DNAJC24: variants seen among roughly 807,000 people sequenced by gnomAD.
The protein encoded by DNAJC24 is dnaJ homolog subfamily C member 24.
Under a neutral mutation model 18.0 loss-of-function variants are expected in DNAJC24, and 17 were observed. The ratio of observed to expected loss-of-function variants is 0.94; its 90% CI spans 0.65 to 1.42. The LOEUF (loss-of-function observed/expected upper bound fraction) is 1.42. Among genes scored for constraint, DNAJC24 ranks in the 40% most tolerant of loss-of-function variants. The pLI, the probability that DNAJC24 is intolerant of heterozygous loss-of-function variation, is 0.00. For synonymous variants in DNAJC24, 55 were observed against 57.7 expected (o/e 0.95, Z 0.21); for missense variants, 158 against 175.6 (o/e 0.90, Z 0.57).
intron 2 of DNAJC24, among the ~76,000 whole-genome samples, chr11:31,397,390 A>G (rs1952551789): frequency 6.6e-6 from 1 of 152,190 alleles, no homozygotes; most frequent in African/African-American, 2.4e-5. Flanking sequence ...TGCATAAAAG[A>G]TCAATGAATC....
chr11:31,407,787 A>G (rs1952670662), intron 2 of DNAJC24, among the ~76,000 whole-genome samples: 1 of 149,122 alleles, frequency 6.7e-6, no homozygotes, highest in South Asian at 2.1e-4. Context: ...GTATGATGCT[A>G]TTTTCATAAT....
chr11:31,427,608 C>T (rs1165146074), intron 4 of DNAJC24: 1 of 151,852 alleles, frequency 6.6e-6, no homozygotes, highest in Non-Finnish European at 1.5e-5. Context: ...AATACACAAA[C>T]TTCAAGGAGA....
chr11:31,392,868 C>CA (rs1458850554), intron 2 of DNAJC24, among the ~76,000 whole-genome samples: 1 of 152,050 alleles, frequency 6.6e-6, no homozygotes, highest in Non-Finnish European at 1.5e-5. Flanking sequence ...AGCCTGGTCT[C>CA]AAACTTCTGA....
At chr11:31,399,909 C>A (rs928101621) in intron 2 of DNAJC24, among the ~76,000 whole-genome samples, 1 of 152,026 alleles carries the variant, frequency 6.6e-6, no homozygotes, top group Admixed American at 6.6e-5. Flanking sequence ...TCTCCCTCCC[C>A]CTGTCCTCCA....
At chr11:31,427,929 C>G (rs1591924646) in intron 4 of DNAJC24, 1 of 125,646 alleles carries the variant, frequency 8.0e-6, no homozygotes, top group Non-Finnish European at 1.7e-5. Flanking sequence ...GCCTGGGCAA[C>G]ATAGGAAGAC....
intron 2 of DNAJC24, among the ~76,000 whole-genome samples, chr11:31,414,020 G>C (rs1952733262): frequency 6.6e-6 from 1 of 152,140 alleles, no homozygotes; most frequent in African/African-American, 2.4e-5. Context: ...GATCCTTACT[G>C]GATAACTATT....
intron 2 of DNAJC24, among the ~76,000 whole-genome samples, chr11:31,394,844 A>G (rs949037377): frequency 6.6e-6 from 1 of 152,156 alleles, no homozygotes; most frequent in African/African-American, 2.4e-5. Context: ...TGAAGGTAAA[A>G]GCAAAAATCA....
At chr11:31,381,170 G>A (rs971457630) in intron 2 of DNAJC24, among the ~76,000 whole-genome samples, 4 of 152,138 alleles carry the variant, frequency 2.6e-5, no homozygotes, top group African/African-American at 9.7e-5. Flanking sequence ...ATGAAGCATC[G>A]TTAAAATTTG....
At chr11:31,417,660 G>A (rs1193662658) in intron 3 of DNAJC24, among the ~76,000 whole-genome samples, 1 of 152,034 alleles carries the variant, frequency 6.6e-6, no homozygotes, top group South Asian at 2.1e-4. Context: ...CTTTAAATAT[G>A]TTTGTTTCCT....
At chr11:31,395,127 G>T (rs1952532568) in intron 2 of DNAJC24, among the ~76,000 whole-genome samples, 1 of 152,156 alleles carries the variant, frequency 6.6e-6, no homozygotes, top group Non-Finnish European at 1.5e-5. Flanking sequence ...ATGAGAACAT[G>T]CAGTACTTGG....
chr11:31,380,493 A>G (rs573498507), intron 2 of DNAJC24, among the ~76,000 whole-genome samples: 1 of 152,306 alleles, frequency 6.6e-6, no homozygotes, highest in Non-Finnish European at 1.5e-5. Context: ...ACAGGAAAAC[A>G]TTTTTGTCAG....
chr11:31,376,885 A>G (rs1431866805), intron 2 of DNAJC24, among the ~76,000 whole-genome samples: 1 of 152,134 alleles, frequency 6.6e-6, no homozygotes. Flanking sequence ...AGTGAAATTT[A>G]GTTTTCTTAC....
At chr11:31,419,858 G>A (rs1231195918) in intron 3 of DNAJC24, among the ~76,000 whole-genome samples, 1 of 151,916 alleles carries the variant, frequency 6.6e-6, no homozygotes, top group African/African-American at 2.4e-5. Flanking sequence ...CTTTTTTAAT[G>A]TTGTTTCCCC....
chr11:31,387,817 C>T (rs1034792438), intron 2 of DNAJC24, among the ~76,000 whole-genome samples: 1 of 152,022 alleles, frequency 6.6e-6, no homozygotes, highest in Non-Finnish European at 1.5e-5. Flanking sequence ...TGTGACCTTA[C>T]AAATAGAGAA....
At chr11:31,418,006 T>C (rs1045721615) in intron 3 of DNAJC24, among the ~76,000 whole-genome samples, 2 of 152,060 alleles carry the variant, frequency 1.3e-5, no homozygotes, top group Admixed American at 6.6e-5. Context: ...TCTATATGCT[T>C]AGTTGACATT....
chr11:31,387,546 G>C (rs1952441832), intron 2 of DNAJC24, among the ~76,000 whole-genome samples: 1 of 152,182 alleles, frequency 6.6e-6, no homozygotes, highest in Non-Finnish European at 1.5e-5. Context: ...TACTGGGCTT[G>C]GGATGCCCTC....
chr11:31,404,331 A>C (rs1328272809), intron 2 of DNAJC24, among the ~76,000 whole-genome samples: 1 of 152,208 alleles, frequency 6.6e-6, no homozygotes, highest in Non-Finnish European at 1.5e-5. Flanking sequence ...CTCTGGCATA[A>C]GGAACCAAAC....
intron 2 of DNAJC24, among the ~76,000 whole-genome samples, chr11:31,398,599 A>G (rs1476104720): frequency 1.3e-5 from 2 of 152,206 alleles, no homozygotes; most frequent in African/African-American, 4.8e-5. Context: ...AATCTGTGAC[A>G]TTTTCTTTCT....
intron 2 of DNAJC24, chr11:31,408,118 AT>A (rs1173982563): frequency 2.2e-6 from 1 of 456,062 alleles, no homozygotes; most frequent in African/African-American, 2.0e-5. Flanking sequence ...AGGTTATTGG[AT>A]TTTTTCCCCC....
Sources: allele counts gnomAD v4.1 joint callset (sites outside exome capture counted in the v4.1 genomes callset), GRCh38; gene constraint gnomAD v4.1.1; transcripts MANE v1.5; gene names NCBI Gene and HGNC (gene_info 2026-07-23, HGNC 2026-07-21).